INTS8: variants seen among roughly 807,000 people sequenced by gnomAD.
The protein encoded by INTS8 is protein kaonashi-1.
In INTS8, 47 loss-of-function variants were observed where a neutral mutation model predicts 138.9. The observed-to-expected ratio is 0.34, with a 90% CI of 0.27 to 0.43. INTS8 has a LOEUF of 0.43. Ranked by LOEUF, INTS8 falls within the 20% of genes least tolerant of loss-of-function variation. The probability of loss-of-function intolerance (pLI) is 1.00; values close to 1 mark genes in which losing one functional copy is unlikely to be tolerated. For missense variants in INTS8, 996 were observed against 1,173.0 expected (o/e 0.85, Z 2.20); for synonymous variants, 392 against 400.9 (o/e 0.98, Z 0.27).
At chr8:94,870,708 C>T (rs564099546) in intron 20 of INTS8, among the ~76,000 whole-genome samples, 1 of 152,204 alleles carries the variant, frequency 6.6e-6, no homozygotes, top group South Asian at 2.1e-4. Flanking sequence ...ATTCATTTTC[C>T]ACTGTACTGG....
At chr8:94,865,390 T>C in intron 16 of INTS8, 116 bp from the exon 17 acceptor site, 2 of 766,418 alleles carry the variant, frequency 2.6e-6, no homozygotes, top group South Asian at 1.8e-5. Context: ...ATAAAATAAC[T>C]GTGCTTAGTA....
At chr8:94,847,773 C>G (rs1356981743) in intron 10 of INTS8, among the ~76,000 whole-genome samples, 2 of 151,940 alleles carry the variant, frequency 1.3e-5, no homozygotes, top group African/African-American at 4.8e-5. Context: ...GTTACATGTT[C>G]CCTACATTGT....
intron 20 of INTS8, chr8:94,867,877 T>C (rs770922465): frequency 3.3e-5 from 5 of 152,180 alleles, no homozygotes; most frequent in African/African-American, 1.2e-4. Flanking sequence ...ACAGAAGATA[T>C]AAGTGGTCCT....
At chr8:94,873,825 A>T (rs12545596) in intron 22 of INTS8, 122,313 of 169,996 alleles carry the variant, frequency 0.72, 44,168 homozygotes, top group Middle Eastern at 0.84. Context: ...CCATTTGAGT[A>T]GTTCAAGCCC....
intron 8 of INTS8, among the ~76,000 whole-genome samples, chr8:94,839,123 A>C (rs575287800): frequency 6.6e-6 from 1 of 152,160 alleles, no homozygotes; most frequent in South Asian, 2.1e-4. Context: ...GGAGAAAGGG[A>C]GCACAGTGAA....
Position 94,850,022 on chromosome 8 carries a change from C to A in INTS8, c.1438C>A (p.Gln480Lys). ...KDEERKLLVD[Q>K]MRKRSPRVNL... ...TGAAGAACGAAAGCTACTTGTTGAT[C>A]AGATGAGGAAGAGATCCCCTAGAGT... Residue 480 changes from glutamine (Q) to lysine (K), a missense_variant, in exon 12 of 27, where the codon CAG becomes AAG. Gln to Lys is a moderately conservative substitution (Grantham distance 53, BLOSUM62 1). Transcript: ENST00000523731. The A allele has an allele frequency of 6.2e-7, 1 of 1,613,156 alleles. No homozygotes were observed. The highest frequency in any genetic ancestry group is 1.1e-5 in the South Asian group (1 of 90,964).
intron 6 of INTS8, among the ~76,000 whole-genome samples, chr8:94,833,805 C>G (rs182942044): frequency 6.6e-6 from 1 of 152,150 alleles, no homozygotes; most frequent in African/African-American, 2.4e-5. Flanking sequence ...GAGTTTCACT[C>G]TTGTTGCCCA....
intron 20 of INTS8, among the ~76,000 whole-genome samples, chr8:94,869,257 C>T (rs1816299388): frequency 6.6e-6 from 1 of 150,940 alleles, no homozygotes; most frequent in Non-Finnish European, 1.5e-5. Context: ...CTGGGATTAA[C>T]AGGCGTGAGC....
At chr8:94,834,123 A>C (rs973080175) in intron 6 of INTS8, among the ~76,000 whole-genome samples, 2 of 152,152 alleles carry the variant, frequency 1.3e-5, no homozygotes, top group African/African-American at 4.8e-5. Context: ...AAAAAGAAAA[A>C]TTGTTATTTT....
Position 94,880,241 on chromosome 8 carries a change from A to C in INTS8, c.*7A>C. 6.7e-7 allele frequency: 1 copy of C among 1,502,914 alleles called. No homozygotes were observed. The highest frequency in any genetic ancestry group is 9.1e-7 in the Non-Finnish European group (1 of 1,095,144). 93.1% of individuals were successfully genotyped at this position (1,502,914 alleles called of 1,614,324 possible). A position where few individuals can be genotyped will look rare whatever the true frequency, so the allele number is the denominator to read the frequency against. Reference sequence around the variant, plus strand: ...GGCAAAACTTTACTTTTAAGCAGTTAAATTTTTTTAACTTTTATTTTTTAA... The same window carrying C: ...GGCAAAACTTTACTTTTAAGCAGTTCAATTTTTTTAACTTTTATTTTTTAA... On this transcript the variant is annotated 3_prime_UTR_variant, in exon 27 of 27. Coordinates refer to ENST00000523731, the MANE Select transcript of INTS8 (RefSeq NM_017864.4).
chr8:94,857,553 C>T (rs996401130), intron 15 of INTS8, among the ~76,000 whole-genome samples: 7 of 152,126 alleles, frequency 4.6e-5, no homozygotes, highest in Non-Finnish European at 7.4e-5. Flanking sequence ...TTCTGGAGGC[C>T]GGATGTCTGA....
chr8:94,875,045 C>G (rs1329788047), intron 23 of INTS8, among the ~76,000 whole-genome samples: 1 of 151,096 alleles, frequency 6.6e-6, no homozygotes, highest in Admixed American at 6.6e-5. Context: ...GGTGTAGACT[C>G]AGGAAAACAG....
intron 6 of INTS8, among the ~76,000 whole-genome samples, chr8:94,833,706 A>C (rs1328844596): frequency 2.6e-5 from 4 of 152,198 alleles, no homozygotes; most frequent in African/African-American, 7.2e-5. Flanking sequence ...TTTTACTTAC[A>C]TAGCTGAGTG....
Position 94,864,668 on chromosome 8 carries a change from A to C in INTS8, c.2077-838A>C, listed in dbSNP as rs1392249087. ...GGTTGCAGTGAGCCAAGATTATACC[A>C]CTGCATTCCAGCCTGGGTGCAGAGC... On this transcript the variant is annotated intron_variant, in intron 16 of 26. Coordinates refer to ENST00000523731, the MANE Select transcript of INTS8 (RefSeq NM_017864.4). 2 of 152,238 alleles carry C rather than the reference A, an allele frequency of 1.3e-5. 1 individual carries two copies. Among genetic ancestry groups the C allele is most frequent in the Middle Eastern group, 6.3e-3 (2 of 316 alleles). The allele number at this position is 152,238 out of a possible 1,614,324, so 9.4% of individuals were successfully genotyped here. A position where few individuals can be genotyped will look rare whatever the true frequency, so the allele number is the denominator to read the frequency against.
chr8:94,866,907 T>G (rs1191338708), intron 18 of INTS8: 2 of 448,290 alleles, frequency 4.5e-6, no homozygotes, highest in Admixed American at 8.1e-5. Context: ...GATAGCACCA[T>G]AAGCCAAACA....
At chr8:94,873,538 C>G in intron 22 of INTS8, 61 bp downstream of exon 22, 2 of 1,078,080 alleles carry the variant, frequency 1.9e-6, no homozygotes, top group Non-Finnish European at 2.9e-6. Context: ...TTCCTGGGTC[C>G]CCTTTTGGCT....
chr8:94,824,838 T>C, intron 1 of INTS8, 55 bp from the exon 2 acceptor site: 1 of 736,342 alleles, frequency 1.4e-6, no homozygotes, highest in East Asian at 9.1e-5. Context: ...TGAATCCTTT[T>C]GTATCTACAT....
rs538323588 is a variant in INTS8, at chr8:94,870,875, T to G, written c.2415-1009T>G. On this transcript the variant is annotated intron_variant, in intron 20 of 26. Coordinates refer to ENST00000523731, the MANE Select transcript of INTS8 (RefSeq NM_017864.4). Reference sequence around the variant, plus strand: ...CTTAGGAGGTGGGAGCAGTTAGCAGTTTTTTGGGTGCCGGCCTCGCTTTTC... The same window carrying G: ...CTTAGGAGGTGGGAGCAGTTAGCAGGTTTTTGGGTGCCGGCCTCGCTTTTC... Among the ~76,000 whole-genome samples the G allele has an allele frequency of 2.9e-4, 44 of 152,188 alleles. 1 individual carries two copies. Among genetic ancestry groups the G allele is most frequent in the African/African-American group, 9.6e-4 (40 of 41,530 alleles).
rs1426860598 is a variant in INTS8 at position 94,865,596 on chromosome 8, C to G, written c.2167C>G (p.Gln723Glu). 6.2e-7 allele frequency: 1 copy of G among 1,613,904 alleles called. No homozygotes were observed. The highest frequency in any genetic ancestry group is 8.5e-7 in the Non-Finnish European group (1 of 1,179,952). The change falls in exon 17 of 27, where the codon CAA (glutamine) becomes GAA (glutamate). Residue 723 changes from glutamine (Q) to glutamate (E), a missense_variant. Physicochemically the swap from Gln to Glu is conservative, Grantham distance 29. Transcript: ENST00000523731. ...CAAAGACCTTTGGGAAGTTGTTGTT[C>G]AAATCTGTAGTGTGTCCAGTCAGCA... ...TAKDLWEVVVQICSVSSQHKR... is the reference protein window; with the variant it reads ...TAKDLWEVVVEICSVSSQHKR...
Sources: allele counts gnomAD v4.1 joint callset (sites outside exome capture counted in the v4.1 genomes callset), GRCh38; gene constraint gnomAD v4.1.1; transcripts MANE v1.5; gene names NCBI Gene and HGNC (gene_info 2026-07-23, HGNC 2026-07-21).